NUMB: variants seen among roughly 807,000 people sequenced by gnomAD.
The protein encoded by NUMB is NUMB endocytic adaptor protein.
In NUMB, 29 loss-of-function variants were observed where a neutral mutation model predicts 59.7. That is an observed-to-expected ratio of 0.49 (90% CI 0.36 to 0.66). NUMB has a LOEUF of 0.66. NUMB is among the 30% of genes least tolerant of loss of function. The pLI, the probability that NUMB is intolerant of heterozygous loss-of-function variation, is 0.00. For missense variants in NUMB, 723 were observed against 822.0 expected (o/e 0.88, Z 1.47); for synonymous variants, 288 against 288.2 (o/e 1.00, Z 0.01).
At chr14:73,417,793 G>A (rs143658519) in intron 1 of NUMB, among the ~76,000 whole-genome samples, 234 of 152,238 alleles carry the variant, frequency 1.5e-3, no homozygotes, top group African/African-American at 5.3e-3. Context: ...AGTGTCCACC[G>A]ATGGATGAAT....
intron 1 of NUMB, among the ~76,000 whole-genome samples, chr14:73,430,708 G>A (rs544247472): frequency 9.9e-5 from 15 of 152,128 alleles, no homozygotes; most frequent in South Asian, 4.1e-4. Flanking sequence ...TTGGGAGTCC[G>A]AGGCGGGCAG....
rs559512444 is a variant in NUMB, at chr14:73,377,051, T to A, written c.-100-10070A>T. On this transcript the variant is annotated intron_variant, in intron 2 of 12. Coordinates refer to ENST00000555238, the MANE Select transcript of NUMB (RefSeq NM_001005743.2). ...GAAAAGGTAAGAAAAAGAACTTAGA[T>A]ATAGACCTTAACATCCTTCACTAAA... 3.3e-5 allele frequency among the ~76,000 whole-genome samples: 5 copies of A among 152,268 alleles called. No individual in the cohort carries two copies. The South Asian group carries it at 1.0e-3, about 32-fold the overall frequency.
intron 1 of NUMB, among the ~76,000 whole-genome samples, chr14:73,441,199 A>G (rs956591794): frequency 1.3e-5 from 2 of 152,212 alleles, no homozygotes; most frequent in Non-Finnish European, 2.9e-5. Context: ...GCCAATAAGC[A>G]TATGAGAAGA....
intron 4 of NUMB, among the ~76,000 whole-genome samples, chr14:73,352,499 T>TC (rs2140009014): frequency 8.6e-5 from 1 of 11,616 alleles, no homozygotes; most frequent in East Asian, 6.7e-3. Context: ...TATATATATA[T>TC]ATATATATAT....
intron 4 of NUMB, among the ~76,000 whole-genome samples, chr14:73,334,037 G>C (rs1204646425): frequency 1.3e-5 from 2 of 149,334 alleles, no homozygotes; most frequent in East Asian, 3.9e-4. Context: ...GCTAATTTTT[G>C]GGGGTTTTTT....
In NUMB at chr14:73,354,371, C is replaced by T. The variant is rs543604963; in HGVS notation, c.126+1255G>A. On this transcript the variant is annotated intron_variant, in intron 4 of 12. Transcript: ENST00000555238. Reference sequence around the variant, plus strand: ...TAAAAATACAAAAAAATTAGCTGGGCGTGGTGGTGCATGCCTGTAGTCCCA... The same window carrying T: ...TAAAAATACAAAAAAATTAGCTGGGTGTGGTGGTGCATGCCTGTAGTCCCA... 4.0e-5 allele frequency among the ~76,000 whole-genome samples: 6 copies of T among 151,688 alleles called. No individual in the cohort carries two copies. In the East Asian group the frequency reaches 7.8e-4, roughly 20 times the overall value.
chr14:73,282,591 C>A, intron 10 of NUMB, 86 bp from the exon 11 acceptor site: 1 of 1,360,510 alleles, frequency 7.4e-7, no homozygotes, highest in Non-Finnish European at 1.0e-6. Context: ...GCACTTTATA[C>A]TGTATCTCCT....
chr14:73,286,604 G>T (rs1342640743), intron 9 of NUMB: 1 of 161,594 alleles, frequency 6.2e-6, no homozygotes, highest in Non-Finnish European at 1.4e-5. Context: ...GAAAAAAAGA[G>T]TTATAGGCTT....
chr14:73,430,097 C>CA (rs1475615995), intron 1 of NUMB, among the ~76,000 whole-genome samples: 7 of 151,332 alleles, frequency 4.6e-5, no homozygotes, highest in African/African-American at 1.7e-4. Context: ...GGTAAATGTA[C>CA]ATTTAATTAT....
At chr14:73,355,916 T>G in intron 3 of NUMB, 150 bp from the exon 4 acceptor site, 1 of 567,592 alleles carries the variant, frequency 1.8e-6, no homozygotes. Context: ...GTAAGCACAG[T>G]GTAAAGGGAA....
At chr14:73,325,059 T>C (rs1209628092) in intron 4 of NUMB, among the ~76,000 whole-genome samples, 5 of 152,232 alleles carry the variant, frequency 3.3e-5, no homozygotes, top group African/African-American at 9.6e-5. Flanking sequence ...ACCCTACCTA[T>C]TGCTTAACAA....
At chr14:73,307,094 G>A (rs1890480883) in intron 6 of NUMB, among the ~76,000 whole-genome samples, 1 of 152,142 alleles carries the variant, frequency 6.6e-6, no homozygotes, top group Admixed American at 6.5e-5. Context: ...TGGATCACGA[G>A]GTCAGGTGAT....
chr14:73,389,068 C>G (rs1430643582), intron 2 of NUMB, among the ~76,000 whole-genome samples: 1 of 148,002 alleles, frequency 6.8e-6, no homozygotes, highest in African/African-American at 2.5e-5. Flanking sequence ...CACTGCACTC[C>G]AGCCTAGGCG....
chr14:73,291,647 G>T (rs754837561), intron 8 of NUMB, among the ~76,000 whole-genome samples: 33 of 151,892 alleles, frequency 2.2e-4, no homozygotes, highest in Non-Finnish European at 1.2e-4. Flanking sequence ...CAAAGTGCTG[G>T]GATTACAGGT....
chr14:73,387,068 G>A (rs1224885874), intron 2 of NUMB, among the ~76,000 whole-genome samples: 2 of 150,852 alleles, frequency 1.3e-5, no homozygotes, highest in Non-Finnish European at 3.0e-5. Flanking sequence ...ATTTTTAGTA[G>A]AGACGGGGTT....
intron 6 of NUMB, among the ~76,000 whole-genome samples, chr14:73,308,572 C>G (rs1176858276): frequency 6.6e-6 from 1 of 152,140 alleles, no homozygotes; most frequent in Non-Finnish European, 1.5e-5. Context: ...AGTAATCTGG[C>G]CCCAAAGGCT....
At chr14:73,370,284 A>G (rs1894597274) in intron 2 of NUMB, among the ~76,000 whole-genome samples, 1 of 152,258 alleles carries the variant, frequency 6.6e-6, no homozygotes, top group Non-Finnish European at 1.5e-5. Context: ...TTACTAAATA[A>G]GAAATGTTTA....
chr14:73,298,358 C>G (rs1053905390), intron 6 of NUMB: 1 of 152,162 alleles, frequency 6.6e-6, no homozygotes. Flanking sequence ...CTGTACCCAG[C>G]CTTGGCTTGG....
At chr14:73,370,698 GAAAA>G (rs199523382) in intron 2 of NUMB, among the ~76,000 whole-genome samples, 1 of 132,834 alleles carries the variant, frequency 7.5e-6, no homozygotes, top group Admixed American at 7.5e-5. Flanking sequence ...GCCTCAAAAA[GAAAA>G]AAAAAAAAAA....
Sources: allele counts gnomAD v4.1 joint callset (sites outside exome capture counted in the v4.1 genomes callset), GRCh38; gene constraint gnomAD v4.1.1; transcripts MANE v1.5; gene names NCBI Gene and HGNC (gene_info 2026-07-23, HGNC 2026-07-21).